The following NDUFA3 variants were observed in gnomAD, a reference collection of about 807,000 sequenced individuals.
NDUFA3 encodes the protein NADH:ubiquinone oxidoreductase subunit A3.
Under a neutral mutation model 11.4 loss-of-function variants are expected in NDUFA3, and 10 were observed. That is an observed-to-expected ratio of 0.87 (90% CI 0.54 to 1.48). The LOEUF is 1.48. Ranked by LOEUF, NDUFA3 falls within the 40% of genes most tolerant of loss-of-function variation. The pLI is 0.00. For synonymous variants in NDUFA3, 39 were observed against 46.9 expected (o/e 0.83, Z 0.68); for missense variants, 115 against 110.5 (o/e 1.04, Z -0.18).
chr19:54,103,004 G>A, intron 1 of NDUFA3, 110 bp from the exon 2 acceptor site: 1 of 1,539,172 alleles, frequency 6.5e-7, no homozygotes, highest in Non-Finnish European at 8.8e-7. Flanking sequence ...GTGCTGGAGG[G>A]GAACGCAGAA....
rs375280881 is a variant in NDUFA3, at chr19:54,106,899, G to C, written c.252G>C (p.Leu84=). 9 of 1,611,786 alleles carry C rather than the reference G, an allele frequency of 5.6e-6. No individual in the cohort carries two copies. The highest frequency in any genetic ancestry group is 2.2e-5 in the East Asian group (1 of 44,862). ...QGPSLEWLKK[L] is the part of the protein sequence containing the mutation. ...CCAGCCTGGAGTGGCTGAAGAAACT[G>C]TGAGCACCTCCACTGACAGAGGCGG... Residue 84 remains leucine, a synonymous_variant, in exon 4 of 4, where the codon CTG becomes CTC. Coordinates refer to ENST00000485876, the MANE Select transcript of NDUFA3 (RefSeq NM_004542.4).
At chr19:54,106,329 G>A (rs767932751) in intron 3 of NDUFA3, 2 of 413,326 alleles carry the variant, frequency 4.8e-6, no homozygotes, top group Non-Finnish European at 8.8e-6. Flanking sequence ...ACCACGACAC[G>A]CAAACTTTTT....
Position 54,106,985 on chromosome 19 carries a change from G to A in NDUFA3, c.*83G>A. ...AACCCCCGAACGTGAGCATGTGTGT[G>A]ATCAGAGGTGGGAACAAGTAGACGG... On this transcript the variant is annotated 3_prime_UTR_variant, in exon 4 of 4. Transcript: ENST00000485876. 6.2e-7 allele frequency: 1 copy of A among 1,604,562 alleles called. No individual in the cohort carries two copies. The highest frequency in any genetic ancestry group is 8.5e-7 in the Non-Finnish European group (1 of 1,174,118).
intron 2 of NDUFA3, among the ~76,000 whole-genome samples, chr19:54,104,684 C>G (rs1282132660): frequency 6.6e-6 from 1 of 151,476 alleles, no homozygotes; most frequent in Non-Finnish European, 1.5e-5. Flanking sequence ...TACCAATAAT[C>G]TTTTGTTGAT....
intron 2 of NDUFA3, among the ~76,000 whole-genome samples, chr19:54,104,447 C>T (rs142640121): frequency 0.018 from 2,759 of 152,134 alleles, 44 homozygotes; most frequent in Non-Finnish European, 0.026. Context: ...GGTTCTGATT[C>T]TGTAGGTCTG....
chr19:54,103,747 C>T (rs2073166600), intron 2 of NDUFA3, among the ~76,000 whole-genome samples: 2 of 152,172 alleles, frequency 1.3e-5, no homozygotes, highest in African/African-American at 4.8e-5. Flanking sequence ...GGCGCGATCC[C>T]GGCTCACTGC....
At chr19:54,103,055 G>A (rs2073134667) in intron 1 of NDUFA3, 59 bp from the exon 2 acceptor site, 7 of 1,583,692 alleles carry the variant, frequency 4.4e-6, no homozygotes, top group South Asian at 1.1e-5. Context: ...GGCACGAGAG[G>A]GTTAGAGGTC....
chr19:54,105,264 C>CTTTTTTTTTTTTTTTTTTTTTTTTTTTT lies in NDUFA3; in HGVS notation c.86-649_86-648insTTTTTTTTTTTTTTTTTTTTTTTTTTTT, dbSNP rs796770972. Among the ~76,000 whole-genome samples, 6 of 71,260 alleles carry CTTTTTTTTTTTTTTTTTTTTTTTTTTTT rather than the reference C, an allele frequency of 8.4e-5. 1 individual carries two copies. Among genetic ancestry groups the CTTTTTTTTTTTTTTTTTTTTTTTTTTTT allele is most frequent in the Non-Finnish European group, 1.5e-4 (6 of 39,666 alleles). 46.7% of individuals were successfully genotyped at this position (71,260 alleles called of 152,430 possible). ...ACCCTTTCTCCTCCAGTTTGTAAGG[C>CTTTTTTTTTTTTTTTTTTTTTTTTTTTT]TTTTTTTTTTTTTTTTTTTTTGGTG... On this transcript the variant is annotated intron_variant, in intron 2 of 3. Transcript: ENST00000485876.
At chr19:54,105,384 TCAGCCTCCTGAGTAGCTGGGATTA>T (rs1427146562) in intron 2 of NDUFA3, among the ~76,000 whole-genome samples, 1 of 150,332 alleles carries the variant, frequency 6.7e-6, no homozygotes, top group Non-Finnish European at 1.5e-5. Flanking sequence ...TTCTTCTGCC[TCAGCCTCCTGAGTAGCTGGGATTA>T]CAGGCTCCTG....
At position 54,107,276 on chromosome 19, in the gene NDUFA3, TCTCA is replaced by T; in HGVS notation, c.*378_*381del. ...TGTTTTGCTTTTTAAAGAGACAGGGTCTCACTCTGTTGCCCAGGCTGGAGTGCAG... is the reference window on the plus strand; with the variant it reads ...TGTTTTGCTTTTTAAAGAGACAGGGTCTCTGTTGCCCAGGCTGGAGTGCAG... On this transcript the variant is annotated 3_prime_UTR_variant, in exon 4 of 4. Coordinates refer to ENST00000485876, the MANE Select transcript of NDUFA3 (RefSeq NM_004542.4). The T allele has an allele frequency of 1.4e-6, 2 of 1,471,138 alleles. No individual in the cohort carries two copies. The highest frequency in any genetic ancestry group is 1.8e-6 in the Non-Finnish European group (2 of 1,088,754). 91.1% of individuals were successfully genotyped at this position (1,471,138 alleles called of 1,614,324 possible).
At chr19:54,106,319 A>C (rs1248762852) in intron 3 of NDUFA3, 8 of 427,522 alleles carry the variant, frequency 1.9e-5, no homozygotes, top group Non-Finnish European at 3.4e-5. Context: ...GGTGCCCGCC[A>C]CCACGACACG....
At chr19:54,106,631 G>T (rs2073269517) in intron 3 of NDUFA3, 180 bp from the exon 4 acceptor site, 1 of 519,768 alleles carries the variant, frequency 1.9e-6, no homozygotes, top group East Asian at 3.2e-5. Flanking sequence ...TATCTCTCTG[G>T]TTTTCCGTGT....
At chr19:54,106,193 G>C (rs1403267785) in intron 3 of NDUFA3, 182 bp downstream of exon 3, 2 of 627,374 alleles carry the variant, frequency 3.2e-6, no homozygotes, top group East Asian at 2.9e-5. Flanking sequence ...TTTGTGCTTC[G>C]TTTTTGTTTT....
chr19:54,105,435 A>G (rs1229100403), intron 2 of NDUFA3, among the ~76,000 whole-genome samples: 1 of 150,826 alleles, frequency 6.6e-6, no homozygotes, highest in African/African-American at 2.4e-5. Flanking sequence ...CGCCCGGCTA[A>G]TTTTCGTATC....
At position 54,102,866 on chromosome 19, in the gene NDUFA3, C is replaced by G; in HGVS notation, c.-13C>G. Reference sequence around the variant, plus strand: ...TCCGCGTCCTCGCCGCTGTCGCCGCCGCGGAGACAAAGATGGCTGCGAGTA... The same window carrying G: ...TCCGCGTCCTCGCCGCTGTCGCCGCGGCGGAGACAAAGATGGCTGCGAGTA... On this transcript the variant is annotated 5_prime_UTR_variant, in exon 1 of 4. Transcript: ENST00000485876. 6.2e-7 allele frequency: 1 copy of G among 1,609,254 alleles called. No individual in the cohort carries two copies. Among genetic ancestry groups the G allele is most frequent in the Non-Finnish European group, 8.5e-7 (1 of 1,177,534 alleles).
chr19:54,103,326 T>C, intron 2 of NDUFA3, 138 bp downstream of exon 2: 1 of 856,898 alleles, frequency 1.2e-6, no homozygotes, highest in East Asian at 2.8e-5. Context: ...TCCCCTTATC[T>C]ATCCCCATAC....
intron 3 of NDUFA3, chr19:54,106,283 C>A: frequency 2.1e-6 from 1 of 474,444 alleles, no homozygotes; most frequent in South Asian, 2.6e-5. Context: ...ACTGCAAGCT[C>A]AGCCTCCCGA....
intron 2 of NDUFA3, among the ~76,000 whole-genome samples, chr19:54,103,432 T>C (rs2146331803): frequency 6.6e-6 from 1 of 152,286 alleles, no homozygotes; most frequent in African/African-American, 2.4e-5. Context: ...ACCCTGCTTA[T>C]GCCTTAACAC....
intron 2 of NDUFA3, among the ~76,000 whole-genome samples, chr19:54,104,113 G>GT (rs1169338462): frequency 6.7e-6 from 1 of 149,520 alleles, no homozygotes; most frequent in Non-Finnish European, 1.5e-5. Context: ...GATTACAGGC[G>GT]TGAGCCACCG....
Sources: allele counts gnomAD v4.1 joint callset (sites outside exome capture counted in the v4.1 genomes callset), GRCh38; gene constraint gnomAD v4.1.1; transcripts MANE v1.5; gene names NCBI Gene and HGNC (gene_info 2026-07-23, HGNC 2026-07-21).